TRANK1: variants seen among roughly 807,000 people sequenced by gnomAD.
The protein encoded by TRANK1 is TPR and ankyrin repeat-containing protein 1.
TRANK1 carries 198 observed loss-of-function variants against 266.0 expected under a neutral mutation model. That is an observed-to-expected ratio of 0.74 (90% CI 0.66 to 0.84). The LOEUF (loss-of-function observed/expected upper bound fraction) is 0.84, where lower values mean the gene tolerates loss of function less well. Among genes scored for constraint, TRANK1 ranks in the 40% least tolerant of loss-of-function variants. TRANK1 has a pLI of 0.00. For missense variants in TRANK1, 3,326 were observed against 3,634.6 expected (o/e 0.92, Z 2.18); for synonymous variants, 1,396 against 1,384.1 (o/e 1.01, Z -0.19).
At chr3:36,850,763 A>C in intron 15 of TRANK1, 1 of 985,386 alleles carries the variant, frequency 1.0e-6, no homozygotes, top group Non-Finnish European at 1.2e-6. Context: ...AGGCAAAATA[A>C]CATTTAAAAA....
At chr3:36,912,324 C>T (rs2080063563) in intron 1 of TRANK1, among the ~76,000 whole-genome samples, 1 of 152,176 alleles carries the variant, frequency 6.6e-6, no homozygotes, top group Admixed American at 6.5e-5. Context: ...GAATTCCAAC[C>T]TAGGTGGCCT....
chr3:36,916,973 G>A (rs955185637), intron 1 of TRANK1, among the ~76,000 whole-genome samples: 3 of 151,794 alleles, frequency 2.0e-5, no homozygotes, highest in Non-Finnish European at 4.4e-5. Context: ...ACACCACCAC[G>A]CCTGGCTAAT....
intron 1 of TRANK1, among the ~76,000 whole-genome samples, chr3:36,938,199 T>TTTTG (rs959583580): frequency 1.3e-5 from 2 of 151,742 alleles, no homozygotes; most frequent in African/African-American, 2.4e-5. Context: ...CTCTGGGTTT[T>TTTTG]TTTGTTTGTT....
intron 9 of TRANK1, among the ~76,000 whole-genome samples, chr3:36,873,202 CA>C (rs761501989): frequency 7.2e-5 from 11 of 152,124 alleles, no homozygotes; most frequent in Non-Finnish European, 1.6e-4. Context: ...TGCCTATATT[CA>C]GACAAATTAT....
intron 9 of TRANK1, among the ~76,000 whole-genome samples, chr3:36,866,627 C>A (rs568351288): frequency 4.6e-5 from 7 of 152,326 alleles, no homozygotes; most frequent in African/African-American, 1.2e-4. Context: ...CATATTCTCG[C>A]ATCTATCAGT....
chr3:36,876,577 C>T (rs565720294), intron 8 of TRANK1, among the ~76,000 whole-genome samples: 24 of 152,286 alleles, frequency 1.6e-4, no homozygotes, highest in African/African-American at 4.6e-4. Flanking sequence ...TGTCTGAAAA[C>T]GAAACTAACA....
In TRANK1 at chr3:36,831,703, A is replaced by G; in HGVS notation, c.7880T>C (p.Val2627Ala). ...RVLVAVNVKS[V>A]AEALQDLLFE... is the part of the protein sequence containing the mutation. Reference sequence around the variant, plus strand: ...GAGCAGGTCCTGCAGTGCCTCAGCCACAGACTTCACATTGACTGCCACCAA... The same window carrying G: ...GAGCAGGTCCTGCAGTGCCTCAGCCGCAGACTTCACATTGACTGCCACCAA... Residue 2627 changes from valine to alanine, a missense_variant, in exon 22 of 24, where the codon GTG (valine) becomes GCG (alanine). Val to Ala is a moderately conservative substitution (Grantham distance 64). Coordinates refer to ENST00000645898, the MANE Select transcript of TRANK1 (RefSeq NM_001329998.2). This position sits in a 1 kb window ranked among gnomAD's most constrained non-coding sequence, Gnocchi z 5.0. 4 of 1,613,984 alleles carry G rather than the reference A, an allele frequency of 2.5e-6. No individual in the cohort carries two copies. Among genetic ancestry groups the G allele is most frequent in the Non-Finnish European group, 3.4e-6 (4 of 1,179,882 alleles).
chr3:36,845,724 G>T (rs1009859083), intron 17 of TRANK1, among the ~76,000 whole-genome samples: 4 of 152,136 alleles, frequency 2.6e-5, no homozygotes, highest in African/African-American at 9.7e-5. Flanking sequence ...TTTAATGGTT[G>T]CATAGTAGTC....
chr3:36,901,517 G>T (rs2079882675), intron 3 of TRANK1, among the ~76,000 whole-genome samples: 1 of 152,066 alleles, frequency 6.6e-6, no homozygotes. Context: ...AAGATCTCAG[G>T]CCTGTCCACA....
chr3:36,880,278 A>G (rs955453994), intron 8 of TRANK1: 1 of 359,098 alleles, frequency 2.8e-6, no homozygotes, highest in Admixed American at 3.0e-5. Context: ...TGCCAGCATC[A>G]AGTTGGCCCC....
Position 36,904,256 on chromosome 3 carries a change from C to A in TRANK1, c.156-981G>T, listed in dbSNP as rs146108013. ...TAATTAAGATATTAAATAGGCCAGGCGCAGTGGCTCATGCCTGTAATCGCA... is the reference window on the plus strand; with the variant it reads ...TAATTAAGATATTAAATAGGCCAGGAGCAGTGGCTCATGCCTGTAATCGCA... On this transcript the variant is annotated intron_variant, in intron 2 of 23. Transcript: ENST00000645898. Among the ~76,000 whole-genome samples, 5 of 151,952 alleles carry A rather than the reference C, an allele frequency of 3.3e-5. No individual in the cohort carries two copies. In the East Asian group the frequency reaches 9.8e-4, roughly 30 times the overall value.
intron 1 of TRANK1, among the ~76,000 whole-genome samples, chr3:36,929,783 C>T (rs2080335837): frequency 6.6e-6 from 1 of 152,196 alleles, no homozygotes. Context: ...CCTGGATTAT[C>T]AGGGTGAGCG....
intron 4 of TRANK1, among the ~76,000 whole-genome samples, chr3:36,897,747 C>T (rs1490558582): frequency 6.6e-6 from 1 of 152,214 alleles, no homozygotes; most frequent in Non-Finnish European, 1.5e-5. Context: ...ACTGGCAGAG[C>T]ATAAATTAAT....
chr3:36,878,748 A>ACC (rs370649238), intron 8 of TRANK1, among the ~76,000 whole-genome samples: 8 of 144,680 alleles, frequency 5.5e-5, no homozygotes, highest in African/African-American at 1.0e-4. Context: ...CTGCAAAAGT[A>ACC]CCCCCCCCGA....
rs566293327 is a variant in TRANK1 at position 36,928,189 on chromosome 3, C to T, written c.23+16598G>A. Among the ~76,000 whole-genome samples the T allele has an allele frequency of 2.6e-5, 4 of 152,272 alleles. No individual in the cohort carries two copies. The East Asian group carries it at 7.7e-4, about 29-fold the overall frequency. On this transcript the variant is annotated intron_variant, in intron 1 of 23. Transcript: ENST00000645898. ...AAAACTAGAGCAAAGGCCTGCAAAA[C>T]CAAGGTACGCCCAATAAAACCGCCG...
chr3:36,846,368 T>C lies in TRANK1; in HGVS notation c.5071A>G (p.Ile1691Val), dbSNP rs1255354769. ...CAGAGGTTGACCCGAGCCCGTGTGATGGCGGTGTACAGCTGCTTCAGCTCT... is the reference window on the plus strand; with the variant it reads ...CAGAGGTTGACCCGAGCCCGTGTGACGGCGGTGTACAGCTGCTTCAGCTCT... Reference protein sequence around the residue: ...NGELKQLYTAITRARVNLWIF... With the variant: ...NGELKQLYTAVTRARVNLWIF... Residue 1691 changes from isoleucine (I) to valine (V), a missense_variant, in exon 17 of 24, where the codon ATC (isoleucine) becomes GTC (valine). Coordinates refer to ENST00000645898, the MANE Select transcript of TRANK1 (RefSeq NM_001329998.2). 4 of 1,613,730 alleles carry C rather than the reference T, an allele frequency of 2.5e-6. No homozygotes were observed. The African/African-American group carries it at 5.3e-5, about 22-fold the overall frequency.
chr3:36,933,833 G>A (rs2080390886), intron 1 of TRANK1, among the ~76,000 whole-genome samples: 1 of 152,204 alleles, frequency 6.6e-6, no homozygotes, highest in South Asian at 2.1e-4. Context: ...AATCAATTAA[G>A]CAGCTACAGC....
At position 36,857,244 on chromosome 3, in the gene TRANK1, G is replaced by A. The variant is rs377698216; in HGVS notation, c.2478C>T (p.Leu826=). ...CCCAGGTCATGTTATCGAAGTCCTG[G>A]AGGCAGGCCTCAATCTCCTGCGTGC... ...DWSTQEIEAC[L]QDFDNMTWEI... Residue 826 remains leucine, a synonymous_variant, in exon 13 of 24, where the codon CTC becomes CTT. Transcript: ENST00000645898. The surrounding 1 kb of genome is among the most constrained non-coding windows in gnomAD (Gnocchi z 4.3). The A allele has an allele frequency of 1.3e-5, 21 of 1,612,848 alleles. No individual in the cohort carries two copies. Among genetic ancestry groups the A allele is most frequent in the Non-Finnish European group, 1.7e-5 (20 of 1,179,380 alleles).
At chr3:36,890,826 A>T (rs2079682019) in intron 7 of TRANK1, among the ~76,000 whole-genome samples, 1 of 152,186 alleles carries the variant, frequency 6.6e-6, no homozygotes, top group African/African-American at 2.4e-5. Context: ...CAAATCAATG[A>T]TTAAAACGTA....
Sources: allele counts gnomAD v4.1 joint callset (sites outside exome capture counted in the v4.1 genomes callset), GRCh38; gene constraint gnomAD v4.1.1; non-coding constraint Gnocchi (gnomAD v3.1); transcripts MANE v1.5; gene names NCBI Gene and HGNC (gene_info 2026-07-23, HGNC 2026-07-21).